The following PDS5B variants were observed in gnomAD, a reference collection of about 807,000 sequenced individuals.
PDS5B encodes PDS5 cohesin associated factor B.
A neutral mutation model predicts 184.1 loss-of-function variants in PDS5B; 51 were observed. That is an observed-to-expected ratio of 0.28 (90% CI 0.22 to 0.35). The LOEUF (loss-of-function observed/expected upper bound fraction) is 0.35, where lower values mean the gene tolerates loss of function less well. PDS5B is among the 10% of genes least tolerant of loss of function. The probability of loss-of-function intolerance (pLI) is 1.00; values close to 1 mark genes in which losing one functional copy is unlikely to be tolerated. For missense variants in PDS5B, 1,180 were observed against 1,723.3 expected, an observed-to-expected ratio of 0.68 and a Z score of 5.58; for synonymous variants, 566 against 569.2, an observed-to-expected ratio of 0.99 and a Z score of 0.08.
chr13:32,649,412 T>G (rs769604110), intron 2 of PDS5B: 1 of 152,314 alleles, frequency 6.6e-6, no homozygotes, highest in Non-Finnish European at 1.5e-5. Flanking sequence ...CACCTTTTCC[T>G]TTAGGGTGGT....
intron 1 of PDS5B, among the ~76,000 whole-genome samples, chr13:32,646,722 G>C (rs1053292707): frequency 6.6e-6 from 1 of 151,794 alleles, no homozygotes; most frequent in African/African-American, 2.4e-5. Flanking sequence ...CTTTTAACCT[G>C]ATTGTGTATA....
chr13:32,589,336 A>C (rs538663800), intron 1 of PDS5B, among the ~76,000 whole-genome samples: 1 of 152,206 alleles, frequency 6.6e-6, no homozygotes, highest in African/African-American at 2.4e-5. Flanking sequence ...AGGGTAGTAC[A>C]TTACCCTCCA....
At chr13:32,650,524 A>C (rs151145823) in intron 2 of PDS5B, 1 of 152,170 alleles carries the variant, frequency 6.6e-6, no homozygotes, top group Non-Finnish European at 1.5e-5. Flanking sequence ...TTAATCTCTT[A>C]TCTTTTGTTA....
intron 1 of PDS5B, among the ~76,000 whole-genome samples, chr13:32,600,358 C>T (rs971766230): frequency 1.3e-5 from 2 of 152,058 alleles, no homozygotes; most frequent in Non-Finnish European, 2.9e-5. Flanking sequence ...CTCTTTTTAT[C>T]TTCCCTTGAT....
At chr13:32,600,814 C>T (rs148918860) in intron 1 of PDS5B, among the ~76,000 whole-genome samples, 12 of 152,320 alleles carry the variant, frequency 7.9e-5, no homozygotes, top group East Asian at 3.9e-4. Context: ...ATGTGTTCTC[C>T]GCAGTGGACA....
intron 1 of PDS5B, among the ~76,000 whole-genome samples, chr13:32,612,259 G>A (rs1308134071): frequency 6.6e-6 from 1 of 151,950 alleles, no homozygotes; most frequent in Non-Finnish European, 1.5e-5. Flanking sequence ...GTAGAGACGG[G>A]ATTTCACCAT....
Position 32,741,077 on chromosome 13 carries a change from T to A in PDS5B, c.2407-3T>A, listed in dbSNP as rs1953531333. Reference sequence around the variant, plus strand: ...TTTTTTTTTTTTTCTCGTTTATTTTTAGCTTCCAGGGAAAAAGACAACTAA... The same window carrying A: ...TTTTTTTTTTTTTCTCGTTTATTTTAAGCTTCCAGGGAAAAAGACAACTAA... On this transcript the variant is annotated splice_polypyrimidine_tract_variant and splice_region_variant and intron_variant, in intron 21 of 34. Coordinates refer to ENST00000315596, the MANE Select transcript of PDS5B (RefSeq NM_015032.4). The A allele has an allele frequency of 6.6e-7, 1 of 1,522,878 alleles. No homozygotes were observed. Among genetic ancestry groups the A allele is most frequent in the Non-Finnish European group, 9.0e-7 (1 of 1,111,850 alleles). The allele number at this position is 1,522,878 out of a possible 1,614,324, so 94.3% of individuals were successfully genotyped here. A position where few individuals can be genotyped will look rare whatever the true frequency, so the allele number is the denominator to read the frequency against.
chr13:32,603,498 G>A (rs1285225236), intron 1 of PDS5B, among the ~76,000 whole-genome samples: 1 of 152,180 alleles, frequency 6.6e-6, no homozygotes, highest in African/African-American at 2.4e-5. Context: ...GGTTACTGTA[G>A]CCTTGTAGTA....
intron 1 of PDS5B, among the ~76,000 whole-genome samples, chr13:32,597,164 G>A (rs1281494635): frequency 6.6e-6 from 1 of 151,628 alleles, no homozygotes; most frequent in Admixed American, 6.6e-5. Context: ...CTCCTGAGTA[G>A]CTGGGTCTAC....
At chr13:32,619,802 A>G (rs1258278238) in intron 1 of PDS5B, among the ~76,000 whole-genome samples, 4 of 152,006 alleles carry the variant, frequency 2.6e-5, no homozygotes, top group Non-Finnish European at 5.9e-5. Flanking sequence ...TTGGTTAAAC[A>G]TTTTATTTTA....
intron 1 of PDS5B, among the ~76,000 whole-genome samples, chr13:32,636,823 A>G (rs1189883311): frequency 6.6e-6 from 1 of 152,214 alleles, no homozygotes; most frequent in Non-Finnish European, 1.5e-5. Flanking sequence ...GCAAAAGTGC[A>G]GGGGTGGTGT....
intron 15 of PDS5B, 112 bp downstream of exon 15, chr13:32,697,014 A>G (rs1951727298): frequency 1.6e-6 from 1 of 614,112 alleles, no homozygotes; most frequent in Non-Finnish European, 2.8e-6. Context: ...GGAATTTTAA[A>G]TTTTCTTTAG....
chr13:32,675,767 A>G lies in PDS5B; in HGVS notation c.847-77A>G, dbSNP rs1951048191. ...TCTGTGGAATTGGAGCATCAGGGAA[A>G]TTATGGCAAAGAATGGGCAGCCTTA... On this transcript the variant is annotated intron_variant, in intron 8 of 34. Coordinates refer to ENST00000315596, the MANE Select transcript of PDS5B (RefSeq NM_015032.4). 5 of 765,254 alleles carry G rather than the reference A, an allele frequency of 6.5e-6. No homozygotes were observed. The East Asian group carries it at 1.3e-4, about 19-fold the overall frequency. 47.4% of individuals were successfully genotyped at this position (765,254 alleles called of 1,614,324 possible).
At chr13:32,655,800 A>G (rs184554405) in intron 3 of PDS5B, among the ~76,000 whole-genome samples, 392 of 151,952 alleles carry the variant, frequency 2.6e-3, no homozygotes, top group Middle Eastern at 6.8e-3. Flanking sequence ...TCTTAACTCT[A>G]TTTTGCTGTG....
intron 8 of PDS5B, among the ~76,000 whole-genome samples, chr13:32,673,620 C>G (rs1950992013): frequency 1.3e-5 from 2 of 152,122 alleles, no homozygotes; most frequent in Admixed American, 6.6e-5. Context: ...TAGGATTTGA[C>G]TAACTTTTGA....
chr13:32,616,443 G>A (rs1426835838), intron 1 of PDS5B, among the ~76,000 whole-genome samples: 2 of 152,088 alleles, frequency 1.3e-5, no homozygotes, highest in East Asian at 3.8e-4. Flanking sequence ...ATTTAGTGAT[G>A]CATTTTGGAT....
At chr13:32,684,414 G>A (rs1389066782) in intron 11 of PDS5B, among the ~76,000 whole-genome samples, 1 of 152,168 alleles carries the variant, frequency 6.6e-6, no homozygotes, top group Non-Finnish European at 1.5e-5. Flanking sequence ...TGTCTAGCTG[G>A]TTGTATTATA....
chr13:32,682,219 G>T (rs1243584324), intron 10 of PDS5B, among the ~76,000 whole-genome samples: 1 of 152,058 alleles, frequency 6.6e-6, no homozygotes, highest in Non-Finnish European at 1.5e-5. Context: ...AAAATATACA[G>T]ATCCTGAGTG....
chr13:32,763,918 A>G (rs1411354714), intron 30 of PDS5B, among the ~76,000 whole-genome samples: 2 of 152,172 alleles, frequency 1.3e-5, no homozygotes, highest in Non-Finnish European at 2.9e-5. Flanking sequence ...AAATAGTTTT[A>G]AAAACTAGAT....
Sources: gnomAD v4.1 joint callset for allele counts (sites outside exome capture counted in the v4.1 genomes callset) on GRCh38, gnomAD v4.1.1 for gene constraint, MANE v1.5 for transcripts, NCBI Gene and HGNC (gene_info 2026-07-23, HGNC 2026-07-21) for gene names.